The following TRAM1 variants were observed in gnomAD, a reference collection of about 807,000 sequenced individuals.
TRAM1 encodes the protein translocation associated membrane protein 1, also known as translocating chain-associated membrane protein 1.
TRAM1 carries 17 observed loss-of-function variants against 48.7 expected under a neutral mutation model. The observed-to-expected ratio is 0.35, with a 90% CI of 0.24 to 0.52. The LOEUF (loss-of-function observed/expected upper bound fraction) is 0.52, where lower values mean the gene tolerates loss of function less well. Among genes scored for constraint, TRAM1 ranks in the 20% least tolerant of loss-of-function variants. The pLI, the probability that TRAM1 is intolerant of heterozygous loss-of-function variation, is 0.94. For synonymous variants in TRAM1, 182 were observed against 154.0 expected, an observed-to-expected ratio of 1.18 and a Z score of -1.34; for missense variants, 351 against 441.5, an observed-to-expected ratio of 0.79 and a Z score of 1.84.
intron 6 of TRAM1, 102 bp from the exon 7 acceptor site, chr8:70,587,278 C>T: frequency 1.7e-6 from 2 of 1,174,034 alleles, no homozygotes; most frequent in Non-Finnish European, 1.2e-6. Context: ...GTCTCAAAAC[C>T]TTGGACTCAA....
intron 8 of TRAM1, among the ~76,000 whole-genome samples, chr8:70,586,189 T>C (rs1008535310): frequency 1.2e-4 from 17 of 146,594 alleles, no homozygotes; most frequent in Non-Finnish European, 2.2e-4. Context: ...AACCAAACAC[T>C]GCATGTTCTC....
chr8:70,605,123 A>G (rs150392090), intron 1 of TRAM1, among the ~76,000 whole-genome samples: 205 of 152,326 alleles, frequency 1.3e-3, no homozygotes, highest in African/African-American at 4.7e-3. Context: ...TGCTAACTAA[A>G]GAGATTCCAG....
intron 1 of TRAM1, among the ~76,000 whole-genome samples, chr8:70,600,608 A>T (rs896557906): frequency 1.3e-5 from 2 of 152,210 alleles, no homozygotes; most frequent in Non-Finnish European, 2.9e-5. Flanking sequence ...TGGAATGCTT[A>T]CCCAATCTTT....
At chr8:70,607,149 A>G in intron 1 of TRAM1, 3 of 985,276 alleles carry the variant, frequency 3.0e-6, no homozygotes, top group Non-Finnish European at 3.6e-6. Context: ...GAGCGTGTGT[A>G]TTGGGGAGCG....
chr8:70,592,003 A>C (rs374802282), intron 6 of TRAM1, among the ~76,000 whole-genome samples: 2 of 152,222 alleles, frequency 1.3e-5, no homozygotes, highest in African/African-American at 4.8e-5. Flanking sequence ...ACTTTCATGA[A>C]GTAGGAAGGG....
At chr8:70,575,055 G>A in intron 10 of TRAM1, 50 bp from the exon 11 acceptor site, 1 of 1,336,038 alleles carries the variant, frequency 7.5e-7, no homozygotes, top group Non-Finnish European at 1.0e-6. Context: ...ATAAATGCAA[G>A]TTATAATCTT....
rs115466469 is a variant in TRAM1, at chr8:70,579,956, A to G, written c.1051+3208T>C. On this transcript the variant is annotated intron_variant, in intron 10 of 10. Coordinates refer to ENST00000262213, the MANE Select transcript of TRAM1 (RefSeq NM_014294.6). ...TTTTTCAGTACCTGGATAGTATCTTAAAGAAAACAAATGGCACTACTACGT... is the reference window on the plus strand; with the variant it reads ...TTTTTCAGTACCTGGATAGTATCTTGAAGAAAACAAATGGCACTACTACGT... Among the ~76,000 whole-genome samples, 312 of 152,340 alleles carry G rather than the reference A, an allele frequency of 2.0e-3. 2 individuals carry two copies. Among genetic ancestry groups the G allele is most frequent in the African/African-American group, 7.3e-3 (304 of 41,584 alleles).
At chr8:70,583,099 C>T (rs926707935) in intron 10 of TRAM1, 65 bp downstream of exon 10, 36 of 1,533,662 alleles carry the variant, frequency 2.3e-5, no homozygotes, top group Non-Finnish European at 3.2e-5. Flanking sequence ...TAAATAAGAT[C>T]CAACAACAAA....
chr8:70,596,249 T>A lies in TRAM1; in HGVS notation c.485+14A>T. 1 of 1,562,920 alleles carries A rather than the reference T, an allele frequency of 6.4e-7. No individual in the cohort carries two copies. Among genetic ancestry groups the A allele is most frequent in the South Asian group, 1.2e-5 (1 of 81,270 alleles). ...TGGTCCTTAACAAAGAAAGGGCTGC[T>A]AAAAATGACTTACGTCATCAGGTTA... On this transcript the variant is annotated intron_variant, in intron 5 of 10. Transcript: ENST00000262213.
intron 1 of TRAM1, 108 bp downstream of exon 1, chr8:70,607,969 G>T: frequency 7.3e-7 from 1 of 1,374,482 alleles, no homozygotes. Flanking sequence ...CACCCACCCC[G>T]GGCCCGAGCC....
chr8:70,605,498 T>C (rs1817699661), intron 1 of TRAM1, among the ~76,000 whole-genome samples: 1 of 152,188 alleles, frequency 6.6e-6, no homozygotes, highest in Non-Finnish European at 1.5e-5. Flanking sequence ...CCTCTGACAT[T>C]TCCTCAATGT....
chr8:70,598,093 A>G (rs1817530450), intron 3 of TRAM1, 41 bp downstream of exon 3: 1 of 1,588,534 alleles, frequency 6.3e-7, no homozygotes, highest in Non-Finnish European at 8.6e-7. Flanking sequence ...ATGGAGAGCT[A>G]GTACTTTATA....
intron 10 of TRAM1, among the ~76,000 whole-genome samples, 178 bp from the exon 11 acceptor site, chr8:70,575,183 A>G (rs1816919723): frequency 6.6e-6 from 1 of 152,240 alleles, no homozygotes; most frequent in Admixed American, 6.5e-5. Context: ...CAATGAACTG[A>G]AAGTAGCAAA....
chr8:70,597,749 A>C, intron 4 of TRAM1, 146 bp downstream of exon 4: 1 of 472,796 alleles, frequency 2.1e-6, no homozygotes, highest in Non-Finnish European at 3.6e-6. Flanking sequence ...TTTCTGAAAC[A>C]GTAAACATAG....
At chr8:70,604,834 C>G (rs1180166752) in intron 1 of TRAM1, among the ~76,000 whole-genome samples, 1 of 152,058 alleles carries the variant, frequency 6.6e-6, no homozygotes, top group Non-Finnish European at 1.5e-5. Context: ...CTTGTGAACC[C>G]CTAATTCTTC....
intron 1 of TRAM1, chr8:70,606,829 A>G: frequency 1.1e-6 from 1 of 909,208 alleles, no homozygotes; most frequent in Non-Finnish European, 1.3e-6. Context: ...TAATTTTAAA[A>G]TTAAAAAAAA....
At chr8:70,584,381 G>C (rs938398427) in intron 8 of TRAM1, among the ~76,000 whole-genome samples, 2 of 152,186 alleles carry the variant, frequency 1.3e-5, no homozygotes, top group African/African-American at 2.4e-5. Context: ...ACAAGACAGG[G>C]ATGGCCTCTC....
chr8:70,592,580 TAAGAA>T (rs1817389223), intron 6 of TRAM1, among the ~76,000 whole-genome samples: 1 of 152,196 alleles, frequency 6.6e-6, no homozygotes, highest in Non-Finnish European at 1.5e-5. Context: ...CAGGAACTGA[TAAGAA>T]AAGAGCTTCA....
At chr8:70,589,989 T>C (rs1817315882) in intron 6 of TRAM1, among the ~76,000 whole-genome samples, 1 of 152,270 alleles carries the variant, frequency 6.6e-6, no homozygotes, top group South Asian at 2.1e-4. Flanking sequence ...ATAAAAAATA[T>C]TGCCATATTC....
Sources: gnomAD v4.1 joint callset for allele counts (sites outside exome capture counted in the v4.1 genomes callset) on GRCh38, gnomAD v4.1.1 for gene constraint, MANE v1.5 for transcripts, NCBI Gene and HGNC (gene_info 2026-07-23, HGNC 2026-07-21) for gene names.